FHIT: variants seen among roughly 807,000 people sequenced by gnomAD.
FHIT encodes the protein bis(5'-adenosyl)-triphosphatase.
Under a neutral mutation model 17.9 loss-of-function variants are expected in FHIT, and 19 were observed. The observed-to-expected ratio is 1.06, with a 90% CI of 0.74 to 1.56. The LOEUF (loss-of-function observed/expected upper bound fraction) is 1.56, where lower values mean the gene tolerates loss of function less well. FHIT is among the 40% of genes most tolerant of loss of function. The probability of loss-of-function intolerance (pLI) is 0.00; values close to 1 mark genes in which losing one functional copy is unlikely to be tolerated. For synonymous variants in FHIT, 81 were observed against 69.7 expected (o/e 1.16, Z -0.81); for missense variants, 248 against 189.2 (o/e 1.31, Z -1.82).
intron 5 of FHIT, among the ~76,000 whole-genome samples, chr3:60,266,420 TG>T (rs1221179918): frequency 6.6e-6 from 1 of 152,098 alleles, no homozygotes; most frequent in Non-Finnish European, 1.5e-5. Context: ...CAGAAATGAC[TG>T]CTAATGCATC....
At chr3:60,251,454 T>G (rs1015910668) in intron 5 of FHIT, among the ~76,000 whole-genome samples, 1 of 152,138 alleles carries the variant, frequency 6.6e-6, no homozygotes, top group Non-Finnish European at 1.5e-5. Flanking sequence ...GAGGGAAAAA[T>G]AATTACAGTT....
chr3:59,979,097 T>G (rs992347369), intron 7 of FHIT, among the ~76,000 whole-genome samples: 2 of 152,140 alleles, frequency 1.3e-5, no homozygotes, highest in African/African-American at 4.8e-5. Flanking sequence ...GGTTTCCTAT[T>G]GAACATCTGA....
chr3:59,801,460 C>T (rs553976156), intron 8 of FHIT, among the ~76,000 whole-genome samples: 25 of 152,118 alleles, frequency 1.6e-4, no homozygotes, highest in South Asian at 4.2e-4. Context: ...GTGATGAGAA[C>T]GTAGATGATT....
chr3:60,910,292 G>A (rs2107266026), intron 3 of FHIT, among the ~76,000 whole-genome samples: 1 of 152,256 alleles, frequency 6.6e-6, no homozygotes, highest in East Asian at 1.9e-4. Flanking sequence ...CCACCACAAA[G>A]ACTGTGACTG....
At chr3:59,987,321 G>A (rs1302301314) in intron 7 of FHIT, among the ~76,000 whole-genome samples, 1 of 151,760 alleles carries the variant, frequency 6.6e-6, no homozygotes, top group Non-Finnish European at 1.5e-5. Flanking sequence ...GAGCTTGGCT[G>A]TGAACACGGT....
At chr3:60,889,574 A>G (rs1705404691) in intron 3 of FHIT, among the ~76,000 whole-genome samples, 1 of 152,202 alleles carries the variant, frequency 6.6e-6, no homozygotes, top group South Asian at 2.1e-4. Flanking sequence ...CATTCCTACA[A>G]AAAACAATTT....
At chr3:60,094,525 A>T (rs1262100261) in intron 5 of FHIT, among the ~76,000 whole-genome samples, 1 of 152,196 alleles carries the variant, frequency 6.6e-6, no homozygotes, top group African/African-American at 2.4e-5. Flanking sequence ...ACTCAGATCC[A>T]TTTCACTGTT....
intron 1 of FHIT, among the ~76,000 whole-genome samples, chr3:61,202,933 C>T (rs1456778164): frequency 6.6e-6 from 1 of 152,076 alleles, no homozygotes; most frequent in Non-Finnish European, 1.5e-5. Flanking sequence ...GTAATCCCAG[C>T]ACTTTGGGAG....
Position 59,785,925 on chromosome 3 carries a change from C to T in FHIT, c.349-33604G>A, listed in dbSNP as rs79294910. On this transcript the variant is annotated intron_variant, in intron 8 of 9. Coordinates refer to ENST00000492590, the MANE Select transcript of FHIT (RefSeq NM_002012.4). ...AATTTGAGTCAGTGCCCCACCTATG[C>T]GCTCCGCTAATACCTTCAACACCCC... 6.8e-3 allele frequency among the ~76,000 whole-genome samples: 1,032 copies of T among 152,278 alleles called. 6 individuals carry two copies. The highest frequency in any genetic ancestry group is 0.017 in the Middle Eastern group (5 of 294).
intron 5 of FHIT, among the ~76,000 whole-genome samples, chr3:60,244,864 C>G (rs1275268182): frequency 6.6e-6 from 1 of 151,984 alleles, no homozygotes; most frequent in Non-Finnish European, 1.5e-5. Flanking sequence ...TAAGATATTC[C>G]TGACATCTCA....
chr3:60,903,195 C>T lies in FHIT; in HGVS notation c.-110-81184G>A, dbSNP rs114736719. On this transcript the variant is annotated intron_variant, in intron 3 of 9. Transcript: ENST00000492590. The stretch of plus-strand genomic sequence containing the variant: ...ATGAAAAGGAGATATTAAGTGATGA[C>T]GGTGAGAGAGAATCAAGAGGCATTA... Among the ~76,000 whole-genome samples, 694 of 152,100 alleles carry T rather than the reference C, an allele frequency of 4.6e-3. 5 individuals carry two copies. Among genetic ancestry groups the T allele is most frequent in the African/African-American group, 0.015 (625 of 41,484 alleles).
chr3:61,145,572 G>C (rs1251497824), intron 2 of FHIT, among the ~76,000 whole-genome samples: 1 of 151,762 alleles, frequency 6.6e-6, no homozygotes, highest in African/African-American at 2.4e-5. Flanking sequence ...AAAACAGCTG[G>C]GATTTTTAAA....
intron 8 of FHIT, among the ~76,000 whole-genome samples, chr3:59,844,309 G>A (rs2106762240): frequency 6.6e-6 from 1 of 152,010 alleles, no homozygotes; most frequent in South Asian, 2.1e-4. Flanking sequence ...AATTTTTCTG[G>A]CTAGGACTTT....
intron 8 of FHIT, among the ~76,000 whole-genome samples, chr3:59,825,268 A>G (rs912719926): frequency 6.6e-6 from 1 of 152,000 alleles, no homozygotes; most frequent in African/African-American, 2.4e-5. Context: ...TATTTGTTTG[A>G]TCTTTAATTT....
intron 4 of FHIT, among the ~76,000 whole-genome samples, chr3:60,646,379 T>C (rs572952903): frequency 6.6e-6 from 1 of 152,274 alleles, no homozygotes; most frequent in Admixed American, 6.5e-5. Flanking sequence ...AAAACAACCG[T>C]GTAATTTGCC....
intron 4 of FHIT, among the ~76,000 whole-genome samples, chr3:60,688,366 T>C (rs1651335095): frequency 1.3e-5 from 2 of 151,912 alleles, no homozygotes; most frequent in South Asian, 4.1e-4. Flanking sequence ...TACAAACATA[T>C]ACTATCCCCT....
At chr3:61,171,907 C>A (rs1470044239) in intron 2 of FHIT, among the ~76,000 whole-genome samples, 1 of 152,144 alleles carries the variant, frequency 6.6e-6, no homozygotes, top group Non-Finnish European at 1.5e-5. Context: ...ATAACTACTG[C>A]CAGAATTTTT....
intron 3 of FHIT, among the ~76,000 whole-genome samples, chr3:60,939,735 T>TA (rs1480375511): frequency 6.6e-6 from 1 of 152,138 alleles, no homozygotes. Context: ...AAATAAGTTG[T>TA]AAAAATTCCT....
At chr3:60,536,263 C>A (rs1407637846) in intron 5 of FHIT, 1 of 152,132 alleles carries the variant, frequency 6.6e-6, no homozygotes, top group African/African-American at 2.4e-5. Context: ...TAAAACAACT[C>A]CACCAATGAC....
Sources: gnomAD v4.1 joint callset for allele counts (sites outside exome capture counted in the v4.1 genomes callset) on GRCh38, gnomAD v4.1.1 for gene constraint, MANE v1.5 for transcripts, NCBI Gene and HGNC (gene_info 2026-07-23, HGNC 2026-07-21) for gene names.